Variants in ZNF620 observed in about 807,000 individuals in gnomAD.
The protein encoded by ZNF620 is zinc finger protein 620.
A neutral mutation model predicts 13.3 loss-of-function variants in ZNF620; 10 were observed. The observed-to-expected ratio is 0.75, with a 90% CI of 0.46 to 1.28. ZNF620 has a LOEUF of 1.28. Among genes scored for constraint, ZNF620 ranks in the 50% most tolerant of loss-of-function variants. The pLI is 0.00. For missense variants in ZNF620, 461 were observed against 500.2 expected, an observed-to-expected ratio of 0.92 and a Z score of 0.75; for synonymous variants, 166 against 177.6, an observed-to-expected ratio of 0.93 and a Z score of 0.52.
intron 4 of ZNF620, among the ~76,000 whole-genome samples, chr3:40,514,513 G>A (rs1233987978): frequency 2.0e-5 from 3 of 151,794 alleles, no homozygotes; most frequent in East Asian, 1.9e-4. Context: ...ACCATCTCTC[G>A]TCTCTGCACA....
In ZNF620 at chr3:40,512,384, T is replaced by G; in HGVS notation, c.152-18T>G. The G allele has an allele frequency of 6.2e-7, 1 of 1,610,778 alleles. No homozygotes were observed. On this transcript the variant is annotated intron_variant, in intron 3 of 4. Coordinates refer to ENST00000314529, the MANE Select transcript of ZNF620 (RefSeq NM_175888.4). The stretch of plus-strand genomic sequence containing the variant: ...CCTGATTCCCCTTACCTTTTCCTGT[T>G]TCTTTCTCCCTGGGCAGCATTCCCA...
Position 40,510,403 on chromosome 3 carries a change from A to G in ZNF620, c.25-1067A>G, listed in dbSNP as rs554719684. ...GTGTGTGTTGTTTTTCCTTCTCTGA[A>G]AGCCTGTAGGATCTGTTGTGTATTC... On this transcript the variant is annotated intron_variant, in intron 2 of 4. Coordinates refer to ENST00000314529, the MANE Select transcript of ZNF620 (RefSeq NM_175888.4). Among the ~76,000 whole-genome samples, 5 of 152,252 alleles carry G rather than the reference A, an allele frequency of 3.3e-5. No homozygotes were observed. In the South Asian group the frequency reaches 1.0e-3, roughly 32 times the overall value.
At chr3:40,515,713 T>C in intron 4 of ZNF620, 147 bp from the exon 5 acceptor site, 1 of 967,156 alleles carries the variant, frequency 1.0e-6, no homozygotes, top group Non-Finnish European at 1.5e-6. Flanking sequence ...GTGAGCATAT[T>C]AGAAAATATC....
Position 40,512,442 on chromosome 3 carries a change from G to C in ZNF620, c.192G>C (p.Glu64Asp). The C allele has an allele frequency of 6.2e-7, 1 of 1,614,234 alleles. No individual in the cohort carries two copies. Among genetic ancestry groups the C allele is most frequent in the Non-Finnish European group, 8.5e-7 (1 of 1,180,044 alleles). Residue 64 changes from glutamate to aspartate, a missense_variant, in exon 4 of 5, where the codon GAG becomes GAC. Coordinates refer to ENST00000314529, the MANE Select transcript of ZNF620 (RefSeq NM_175888.4). ...FTTPVLVSQL[E>D]QGELPWGLDP... ...CGCCTGTTCTGGTCTCCCAGCTGGAGCAAGGGGAACTGCCATGGGGCCTCG... is the reference window on the plus strand; with the variant it reads ...CGCCTGTTCTGGTCTCCCAGCTGGACCAAGGGGAACTGCCATGGGGCCTCG...
Position 40,516,509 on chromosome 3 carries a change from G to A in ZNF620, c.915G>A (p.Glu305=). The stretch of plus-strand genomic sequence containing the variant: ...AGCACCAGAGGTTCCACACTGGGGA[G>A]AAGCTCTATGAATGTAACGAATGTT... The part of the protein sequence containing the change: ...FLQHQRFHTG[E]KLYECNECWK... Residue 305 remains glutamate, a synonymous_variant, in exon 5 of 5, where the codon GAG becomes GAA. Coordinates refer to ENST00000314529, the MANE Select transcript of ZNF620 (RefSeq NM_175888.4). 3.7e-6 allele frequency: 6 copies of A among 1,614,194 alleles called. No homozygotes were observed. The highest frequency in any genetic ancestry group is 4.2e-6 in the Non-Finnish European group (5 of 1,180,024).
At chr3:40,511,428 T>C in intron 2 of ZNF620, 42 bp from the exon 3 acceptor site, 1 of 1,605,466 alleles carries the variant, frequency 6.2e-7, no homozygotes, top group Non-Finnish European at 8.5e-7. Flanking sequence ...AGCCTGATCC[T>C]CTGCCCTCAC....
chr3:40,512,061 C>T (rs1446857914), intron 3 of ZNF620, among the ~76,000 whole-genome samples: 1 of 152,130 alleles, frequency 6.6e-6, no homozygotes, highest in African/African-American at 2.4e-5. Context: ...TGGAGAGAGC[C>T]CTGCGTTCCC....
At chr3:40,508,597 C>G (rs1168336067) in intron 2 of ZNF620, 1 of 323,482 alleles carries the variant, frequency 3.1e-6, no homozygotes, top group Non-Finnish European at 6.1e-6. Context: ...GTCTACCTAT[C>G]TACATTGTCT....
At chr3:40,511,397 T>C (rs900228703) in intron 2 of ZNF620, 73 bp from the exon 3 acceptor site, 4 of 1,572,974 alleles carry the variant, frequency 2.5e-6, no homozygotes, top group Admixed American at 3.6e-5. Flanking sequence ...CTAGACCCAG[T>C]AGATCTCTGC....
At chr3:40,508,982 T>C (rs914915421) in intron 2 of ZNF620, among the ~76,000 whole-genome samples, 3 of 152,190 alleles carry the variant, frequency 2.0e-5, no homozygotes, top group Non-Finnish European at 4.4e-5. Context: ...TTTTAATTTA[T>C]CCCTGTCTTT....
rs1698427943 is a variant in ZNF620, at chr3:40,517,433, A to C, written c.*570A>C. 1 of 151,768 alleles carries C rather than the reference A, an allele frequency of 6.6e-6. No individual in the cohort carries two copies. The highest frequency in any genetic ancestry group is 1.5e-5 in the Non-Finnish European group (1 of 68,022). The allele number at this position is 151,768 out of a possible 1,614,324, so 9.4% of individuals were successfully genotyped here. On this transcript the variant is annotated 3_prime_UTR_variant, in exon 5 of 5. Coordinates refer to ENST00000314529, the MANE Select transcript of ZNF620 (RefSeq NM_175888.4). ...CATGGTGGCGCATGCCTGTAATCCC[A>C]GCTACTAGAGAGGCTGAGGCAGGAG...
chr3:40,516,224 C>T lies in ZNF620; in HGVS notation c.630C>T (p.Asp210=), dbSNP rs1383426260. The part of the protein sequence containing the change: ...QCGRYFIQMA[D]FHRHEKCHTG... ...GCAGATATTTCATTCAAATGGCAGA[C>T]TTCCACCGACATGAGAAATGTCACA... Residue 210 remains aspartate (D), a synonymous_variant, in exon 5 of 5, where the codon GAC becomes GAT. Coordinates refer to ENST00000314529, the MANE Select transcript of ZNF620 (RefSeq NM_175888.4). The T allele has an allele frequency of 1.2e-6, 2 of 1,613,986 alleles. No homozygotes were observed. The highest frequency in any genetic ancestry group is 2.7e-5 in the African/African-American group (2 of 74,944).
chr3:40,516,133 GCA>G lies in ZNF620; in HGVS notation c.544_545del (p.Gln182ThrfsTer9). The G allele has an allele frequency of 6.2e-7, 1 of 1,614,076 alleles. No homozygotes were observed. Among genetic ancestry groups the G allele is most frequent in the Non-Finnish European group, 8.5e-7 (1 of 1,180,026 alleles). ...AAATTAGGAAAAAATATTAGCGTCA[GCA>G]CACAACTCACTACAAATCAGACAAA... On this transcript the variant is annotated frameshift_variant, in exon 5 of 5. Transcript: ENST00000314529. LOFTEE classifies it low-confidence loss of function (END_TRUNC).
In ZNF620 at chr3:40,506,312, C is replaced by T. The variant is rs1227958880; in HGVS notation, c.-41C>T. The T allele has an allele frequency of 1.2e-6, 2 of 1,613,894 alleles. No individual in the cohort carries two copies. The highest frequency in any genetic ancestry group is 2.2e-5 in the South Asian group (2 of 90,956). On this transcript the variant is annotated 5_prime_UTR_variant, in exon 2 of 5. Coordinates refer to ENST00000314529, the MANE Select transcript of ZNF620 (RefSeq NM_175888.4). ...CTTTATTTTCTCTTCAGTTTCACTT[C>T]TCCGAACCCTGAGGCAGTGTGTGAA...
intron 2 of ZNF620, among the ~76,000 whole-genome samples, chr3:40,507,569 C>A (rs1182229987): frequency 1.3e-5 from 2 of 151,998 alleles, no homozygotes; most frequent in African/African-American, 4.8e-5. Flanking sequence ...TATTGATTTG[C>A]AGTTTTCTTT....
In ZNF620 at chr3:40,516,616, G is replaced by A. The variant is rs1698397451; in HGVS notation, c.1022G>A (p.Cys341Tyr). The change falls in exon 5 of 5, where the codon TGT becomes TAT. Residue 341 changes from cysteine (C) to tyrosine (Y), a missense_variant. By Grantham distance (194) the Cys-to-Tyr change is radical (BLOSUM62 -2). Transcript: ENST00000314529. ...TGEKPYECKECGKRLSSNTAL... is the reference protein window; with the variant it reads ...TGEKPYECKEYGKRLSSNTAL... ...GAGAAACCTTATGAATGTAAAGAGT[G>A]TGGAAAACGATTAAGCTCCAACACA... 8 of 1,614,174 alleles carry A rather than the reference G, an allele frequency of 5.0e-6. No homozygotes were observed. Among genetic ancestry groups the A allele is most frequent in the Non-Finnish European group, 6.8e-6 (8 of 1,179,986 alleles).
At position 40,515,996 on chromosome 3, in the gene ZNF620, G is replaced by A. The variant is rs1698367548; in HGVS notation, c.402G>A (p.Glu134=). The change falls in exon 5 of 5, where the codon GAG becomes GAA. Residue 134 remains glutamate (E), a synonymous_variant. Coordinates refer to ENST00000314529, the MANE Select transcript of ZNF620 (RefSeq NM_175888.4). ...SQHLDFGSSL[E]QPQGHWIIKT... ...ACCTTGACTTTGGGAGCAGCCTAGA[G>A]CAGCCACAAGGTCATTGGATAATTA... is the stretch of plus-strand genomic sequence containing the variant. The A allele has an allele frequency of 6.2e-7, 1 of 1,614,180 alleles. No homozygotes were observed.
chr3:40,513,539 G>A (rs970516891), intron 4 of ZNF620, among the ~76,000 whole-genome samples: 3 of 151,018 alleles, frequency 2.0e-5, no homozygotes, highest in Admixed American at 2.0e-4. Flanking sequence ...CTCAGGAGGC[G>A]GAGGCAGGAG....
At chr3:40,513,230 TGAGGCA>T (rs1698253447) in intron 4 of ZNF620, among the ~76,000 whole-genome samples, 2 of 148,390 alleles carry the variant, frequency 1.3e-5, no homozygotes, top group African/African-American at 5.0e-5. Flanking sequence ...TTTGGGAGGC[TGAGGCA>T]GGTGGATCAC....
Sources: allele counts gnomAD v4.1 joint callset (sites outside exome capture counted in the v4.1 genomes callset), GRCh38; gene constraint gnomAD v4.1.1; transcripts MANE v1.5; gene names NCBI Gene and HGNC (gene_info 2026-07-23, HGNC 2026-07-21).